DCAF8L2: variants seen among roughly 807,000 people sequenced by gnomAD.
DCAF8L2 encodes the protein DDB1 and CUL4 associated factor 8 like 2.
For missense variants in DCAF8L2, 430 were observed against 490.7 expected, an observed-to-expected ratio of 0.88 and a Z score of 1.17; for synonymous variants, 200 against 190.9, an observed-to-expected ratio of 1.05 and a Z score of -0.39.
At chrX:27,720,468 G>A (rs1252966051) in intron 4 of DCAF8L2, among the ~76,000 whole-genome samples, 5 of 110,721 alleles carry the variant, frequency 4.5e-5, no homozygotes, top group Non-Finnish European at 9.5e-5. Context: ...CTGCCTCCTG[G>A]GTTCACGCCT....
intron 1 of DCAF8L2, among the ~76,000 whole-genome samples, chrX:27,622,316 T>G (rs6630527): frequency 0.034 from 3,283 of 97,554 alleles, 344 homozygotes; most frequent in African/African-American, 0.13. Flanking sequence ...TCCTAGCTAC[T>G]AGGGAGGCTG....
the DCAF8L2 span, among the ~76,000 whole-genome samples, chrX:27,488,809 C>A: frequency 8.2e-5 from 9 of 110,140 alleles, no homozygotes; most frequent in Non-Finnish European, 1.3e-4. Flanking sequence ...GCACGCGCCA[C>A]CATGTCCCAC....
At chrX:27,568,310 T>A in the DCAF8L2 span, among the ~76,000 whole-genome samples, 72 of 111,972 alleles carry the variant, frequency 6.4e-4, no homozygotes, top group Middle Eastern at 4.6e-3. Context: ...GTAAAACTTT[T>A]ACCTTCAAAT....
chrX:27,538,860 C>T, the DCAF8L2 span, among the ~76,000 whole-genome samples: 9 of 111,876 alleles, frequency 8.0e-5, no homozygotes, highest in Non-Finnish European at 1.1e-4. Context: ...CCCTTAAATC[C>T]GCCACAGAAG....
At chrX:27,578,088 T>C in the DCAF8L2 span, among the ~76,000 whole-genome samples, 1 of 111,574 alleles carries the variant, frequency 9.0e-6, no homozygotes, top group Non-Finnish European at 1.9e-5. Flanking sequence ...AGAGCCTGTA[T>C]AGCCAAGACA....
intron 4 of DCAF8L2, among the ~76,000 whole-genome samples, chrX:27,735,967 G>C (rs907365877): frequency 9.0e-6 from 1 of 111,579 alleles, no homozygotes; most frequent in African/African-American, 3.3e-5. Flanking sequence ...AAATATTAAA[G>C]TATTGAAAAC....
At chrX:27,497,175 A>G in the DCAF8L2 span, among the ~76,000 whole-genome samples, 1 of 111,498 alleles carries the variant, frequency 9.0e-6, no homozygotes, top group Non-Finnish European at 1.9e-5. Context: ...GCATGAAGCT[A>G]CACGCGATAG....
the DCAF8L2 span, among the ~76,000 whole-genome samples, chrX:27,527,002 T>A: frequency 1.8e-5 from 2 of 112,221 alleles, no homozygotes; most frequent in Non-Finnish European, 3.8e-5. Context: ...AGTTTGTCTG[T>A]TCTCAGATCT....
chrX:27,670,790 T>C (rs1035892644), intron 2 of DCAF8L2, among the ~76,000 whole-genome samples: 2 of 110,494 alleles, frequency 1.8e-5, no homozygotes, highest in African/African-American at 6.6e-5. Flanking sequence ...AACTGGTTAT[T>C]GGAAAGAGCC....
chrX:27,562,660 G>A, the DCAF8L2 span, among the ~76,000 whole-genome samples: 3 of 112,095 alleles, frequency 2.7e-5, no homozygotes, highest in African/African-American at 6.5e-5. Flanking sequence ...CCAACCTGGC[G>A]GGGAGCTCTG....
intron 2 of DCAF8L2, among the ~76,000 whole-genome samples, chrX:27,645,630 CTTTG>C (rs1440821326): frequency 8.9e-6 from 1 of 111,758 alleles, no homozygotes; most frequent in Non-Finnish European, 1.9e-5. Flanking sequence ...ATCAAATTGT[CTTTG>C]TTTGCAGATG....
At chrX:27,486,786 C>G in the DCAF8L2 span, among the ~76,000 whole-genome samples, 1 of 111,293 alleles carries the variant, frequency 9.0e-6, no homozygotes, top group Non-Finnish European at 1.9e-5. Context: ...CAAATATTTT[C>G]CCCAGGCTGT....
intron 1 of DCAF8L2, among the ~76,000 whole-genome samples, chrX:27,613,935 A>C (rs778472859): frequency 5.5e-4 from 61 of 111,465 alleles, no homozygotes; most frequent in Non-Finnish European, 1.0e-3. Context: ...TGTCTCTGCC[A>C]GGCTTTGGTA....
At chrX:27,646,478 C>T (rs1350511577) in intron 2 of DCAF8L2, among the ~76,000 whole-genome samples, 1 of 111,535 alleles carries the variant, frequency 9.0e-6, no homozygotes, top group East Asian at 2.8e-4. Context: ...AAAATCTAGG[C>T]AATACCATGC....
intron 1 of DCAF8L2, among the ~76,000 whole-genome samples, chrX:27,601,466 G>A (rs761643324): frequency 8.9e-6 from 1 of 112,073 alleles, no homozygotes; most frequent in Non-Finnish European, 1.9e-5. Flanking sequence ...TTGGGAGGCC[G>A]AGGCGGGTGG....
chrX:27,632,257 T>C (rs1163169826), intron 2 of DCAF8L2: 1 of 112,052 alleles, frequency 8.9e-6, no homozygotes, highest in Non-Finnish European at 1.9e-5. Context: ...TTTTTGTGCA[T>C]GAATAATTGT....
intron 2 of DCAF8L2, among the ~76,000 whole-genome samples, chrX:27,643,898 C>A (rs1313769900): frequency 9.0e-6 from 1 of 111,520 alleles, no homozygotes; most frequent in African/African-American, 3.3e-5. Flanking sequence ...ATATAGTGTT[C>A]CAAAACTATA....
the DCAF8L2 span, among the ~76,000 whole-genome samples, chrX:27,537,174 AC>A: frequency 8.9e-6 from 1 of 112,326 alleles, no homozygotes; most frequent in Non-Finnish European, 1.9e-5. Context: ...AAAAGTCAAA[AC>A]AAAAGTGAAT....
At chrX:27,725,348 A>G (rs1267541924) in intron 4 of DCAF8L2, among the ~76,000 whole-genome samples, 2 of 111,011 alleles carry the variant, frequency 1.8e-5, no homozygotes, top group Non-Finnish European at 3.8e-5. Context: ...AATACTGCAA[A>G]TACTATTTAA....
Sources: allele counts gnomAD v4.1 joint callset (sites outside exome capture counted in the v4.1 genomes callset), GRCh38; gene constraint gnomAD v4.1.1; transcripts MANE v1.5; gene names NCBI Gene and HGNC (gene_info 2026-07-23, HGNC 2026-07-21).